The following IGF2BP2 variants were observed in gnomAD, a reference collection of about 807,000 sequenced individuals.
IGF2BP2 encodes the protein insulin-like growth factor 2 mRNA-binding protein 2.
Under a neutral mutation model 75.8 loss-of-function variants are expected in IGF2BP2, and 17 were observed. The ratio of observed to expected loss-of-function variants is 0.22; its 90% CI spans 0.15 to 0.34. IGF2BP2 has a LOEUF of 0.34. Ranked by LOEUF, IGF2BP2 falls within the 10% of genes least tolerant of loss-of-function variation. The pLI, the probability that IGF2BP2 is intolerant of heterozygous loss-of-function variation, is 1.00. For missense variants in IGF2BP2, 516 were observed against 772.4 expected, an observed-to-expected ratio of 0.67 and a Z score of 3.93; for synonymous variants, 288 against 295.6, an observed-to-expected ratio of 0.97 and a Z score of 0.26.
In IGF2BP2 at chr3:185,647,181, C is replaced by T; in HGVS notation, c.1594-43G>A. 1.4e-6 allele frequency: 2 copies of T among 1,407,454 alleles called. No homozygotes were observed. Among genetic ancestry groups the T allele is most frequent in the Non-Finnish European group, 2.0e-6 (2 of 991,498 alleles). 87.2% of individuals were successfully genotyped at this position (1,407,454 alleles called of 1,614,324 possible). ...GCAACGGGTTGGATAGGTTCCCTCC[C>T]CGTCAACGTGGTGGGCTCAGGACGG... On this transcript the variant is annotated intron_variant, in intron 14 of 15. Transcript: ENST00000382199. This position sits in a 1 kb window ranked among gnomAD's most constrained non-coding sequence, Gnocchi z 4.9.
intron 2 of IGF2BP2, among the ~76,000 whole-genome samples, chr3:185,794,285 C>G (rs1317492606): frequency 1.4e-5 from 1 of 70,964 alleles, no homozygotes; most frequent in African/African-American, 7.7e-5. Context: ...TCCTAGAGAC[C>G]CGGGCTGCCC....
intron 7 of IGF2BP2, among the ~76,000 whole-genome samples, chr3:185,676,637 T>C (rs776695198): frequency 3.3e-5 from 5 of 151,128 alleles, no homozygotes; most frequent in Non-Finnish European, 7.4e-5. Context: ...CACACACTTC[T>C]GCACTCCAGC....
intron 11 of IGF2BP2, among the ~76,000 whole-genome samples, chr3:185,657,708 T>C (rs1347008599): frequency 6.6e-6 from 1 of 152,254 alleles, no homozygotes; most frequent in Admixed American, 6.5e-5. Flanking sequence ...AAATGTGATC[T>C]GTATCTCTCC....
intron 2 of IGF2BP2, among the ~76,000 whole-genome samples, chr3:185,772,021 T>A (rs1733945025): frequency 6.6e-6 from 1 of 152,138 alleles, no homozygotes; most frequent in South Asian, 2.1e-4. Flanking sequence ...TCACAGCAAC[T>A]CCTTTTGCTT....
intron 2 of IGF2BP2, among the ~76,000 whole-genome samples, chr3:185,765,468 C>T (rs1181971652): frequency 6.6e-6 from 1 of 152,092 alleles, no homozygotes; most frequent in Admixed American, 6.6e-5. Flanking sequence ...AATCTCAGAC[C>T]ACTCCTTCCC....
intron 2 of IGF2BP2, among the ~76,000 whole-genome samples, chr3:185,706,915 T>C (rs1578040608): frequency 6.6e-6 from 1 of 152,010 alleles, no homozygotes; most frequent in Non-Finnish European, 1.5e-5. Context: ...TATATTTTTA[T>C]ATTTTTATTA....
At chr3:185,686,664 C>A (rs919401421) in intron 7 of IGF2BP2, among the ~76,000 whole-genome samples, 1 of 152,022 alleles carries the variant, frequency 6.6e-6, no homozygotes, top group African/African-American at 2.4e-5. Context: ...AAAAATAAAA[C>A]ACTCAGTTCT....
intron 2 of IGF2BP2, among the ~76,000 whole-genome samples, chr3:185,733,975 T>C (rs1728527393): frequency 6.6e-6 from 1 of 152,110 alleles, no homozygotes; most frequent in South Asian, 2.1e-4. Context: ...AAAGAGTGTG[T>C]ACATTCATTA....
intron 2 of IGF2BP2, among the ~76,000 whole-genome samples, chr3:185,711,858 T>C (rs1291310910): frequency 2.0e-5 from 3 of 152,146 alleles, no homozygotes; most frequent in Non-Finnish European, 2.9e-5. Context: ...CCAGTCACCA[T>C]GGTAGATAAG....
chr3:185,783,066 G>A (rs891931496), intron 2 of IGF2BP2, among the ~76,000 whole-genome samples: 2 of 152,130 alleles, frequency 1.3e-5, no homozygotes, highest in African/African-American at 4.8e-5. Flanking sequence ...AAAGTGTCAT[G>A]GTGAAGCTAG....
intron 2 of IGF2BP2, among the ~76,000 whole-genome samples, chr3:185,765,958 T>C (rs1411457119): frequency 1.3e-5 from 2 of 152,180 alleles, no homozygotes; most frequent in Admixed American, 6.5e-5. Context: ...TTTGTGGGCA[T>C]GGGTATGGGA....
intron 2 of IGF2BP2, among the ~76,000 whole-genome samples, chr3:185,720,479 A>G (rs1333115150): frequency 7.2e-5 from 11 of 152,166 alleles, no homozygotes; most frequent in Non-Finnish European, 1.5e-5. Context: ...GCCTATTTAA[A>G]GCTACTAACA....
At chr3:185,808,049 G>A (rs567377194) in intron 2 of IGF2BP2, among the ~76,000 whole-genome samples, 20 of 151,824 alleles carry the variant, frequency 1.3e-4, no homozygotes, top group African/African-American at 4.6e-4. Flanking sequence ...GAAGGCTGAG[G>A]TAGGAGAATA....
intron 2 of IGF2BP2, among the ~76,000 whole-genome samples, chr3:185,777,835 A>G (rs1342636224): frequency 2.0e-5 from 3 of 152,172 alleles, no homozygotes; most frequent in Non-Finnish European, 4.4e-5. Context: ...TGAGGTCAGG[A>G]GGTCGAGACC....
intron 9 of IGF2BP2, among the ~76,000 whole-genome samples, chr3:185,673,638 C>A (rs1207901044): frequency 1.3e-5 from 2 of 152,196 alleles, no homozygotes; most frequent in East Asian, 3.8e-4. Context: ...TCTTTGTCTC[C>A]CTGAACATGA....
intron 7 of IGF2BP2, among the ~76,000 whole-genome samples, chr3:185,681,357 T>G (rs1720361129): frequency 6.6e-6 from 1 of 152,124 alleles, no homozygotes. Context: ...AAGTATAGAA[T>G]ACTTAAGAAT....
rs187232414 is a variant in IGF2BP2, at chr3:185,664,412, C to T, written c.1201-6003G>A. ...GAATGCATTTAAATATATAAATGGA[C>T]AATTAAAATCCATTAGACATATATA... On this transcript the variant is annotated intron_variant, in intron 10 of 15. Transcript: ENST00000382199. Among the ~76,000 whole-genome samples the T allele has an allele frequency of 3.3e-5, 5 of 152,118 alleles. No homozygotes were observed. The East Asian group carries it at 9.7e-4, about 29-fold the overall frequency.
chr3:185,691,458 G>A (rs549151250), intron 5 of IGF2BP2, among the ~76,000 whole-genome samples: 1 of 152,096 alleles, frequency 6.6e-6, no homozygotes, highest in Non-Finnish European at 1.5e-5. Context: ...ATGAAAATGG[G>A]TTAAATATCT....
chr3:185,742,401 T>C (rs1268861820), intron 2 of IGF2BP2, among the ~76,000 whole-genome samples: 2 of 151,804 alleles, frequency 1.3e-5, no homozygotes, highest in African/African-American at 2.4e-5. Context: ...GAGGCTGAGG[T>C]AGGAGAACTG....
Sources: allele counts gnomAD v4.1 joint callset (sites outside exome capture counted in the v4.1 genomes callset), GRCh38; gene constraint gnomAD v4.1.1; non-coding constraint Gnocchi (gnomAD v3.1); transcripts MANE v1.5; gene names NCBI Gene and HGNC (gene_info 2026-07-23, HGNC 2026-07-21).